NFIC: variants seen among roughly 807,000 people sequenced by gnomAD.
The protein encoded by NFIC is nuclear factor 1 C-type.
NFIC carries 12 observed loss-of-function variants against 54.4 expected under a neutral mutation model. The ratio of observed to expected loss-of-function variants is 0.22; its 90% confidence interval spans 0.14 to 0.36. NFIC has a LOEUF of 0.36. Ranked by LOEUF, NFIC falls within the 10% of genes least tolerant of loss-of-function variation. The pLI is 1.00. For missense variants in NFIC, 575 were observed against 718.2 expected (o/e 0.80, Z 2.28); for synonymous variants, 322 against 319.2 (o/e 1.01, Z -0.09).
At chr19:3,454,815 T>C (rs926985046) in intron 9 of NFIC, among the ~76,000 whole-genome samples, 2 of 148,816 alleles carry the variant, frequency 1.3e-5, no homozygotes, top group African/African-American at 5.0e-5. Context: ...CTAGGTGCCC[T>C]CAGCTCCTCT....
intron 2 of NFIC, among the ~76,000 whole-genome samples, chr19:3,409,114 T>A (rs576372293): frequency 7.2e-5 from 11 of 152,244 alleles, no homozygotes; most frequent in East Asian, 1.9e-4. Context: ...CCCAGGCCTC[T>A]CACTGCAACA....
At chr19:3,367,189 C>T (rs573595557) in intron 1 of NFIC, among the ~76,000 whole-genome samples, 2 of 152,222 alleles carry the variant, frequency 1.3e-5, no homozygotes, top group Non-Finnish European at 2.9e-5. Flanking sequence ...CGCCCTGGCC[C>T]TCGGTCGCCT....
chr19:3,395,831 C>T (rs1157649520), intron 2 of NFIC, among the ~76,000 whole-genome samples: 1 of 152,112 alleles, frequency 6.6e-6, no homozygotes, highest in Non-Finnish European at 1.5e-5. Flanking sequence ...CAGGCGCGTG[C>T]CACCACACCG....
chr19:3,359,748 G>T, intron 1 of NFIC: 1 of 1,370,230 alleles, frequency 7.3e-7, no homozygotes. Flanking sequence ...CGTGGGCTCC[G>T]GGCGAAAGTT....
At chr19:3,405,725 G>A (rs2081638202) in intron 2 of NFIC, among the ~76,000 whole-genome samples, 2 of 150,874 alleles carry the variant, frequency 1.3e-5, no homozygotes, top group African/African-American at 4.9e-5. Context: ...TCAGCCTCTT[G>A]AGTAACTGGG....
upstream of NFIC, among the ~76,000 whole-genome samples, chr19:3,364,178 C>G (rs1454464978): frequency 1.3e-5 from 2 of 151,132 alleles, 1 homozygote; most frequent in Middle Eastern, 6.8e-3. Flanking sequence ...AAAAAATGAG[C>G]CAGATTGTGC....
rs1288907628 is a variant in NFIC at position 3,463,120 on chromosome 19, C to T, written c.*351C>T. 8.5e-7 allele frequency: 1 copy of T among 1,179,412 alleles called. No individual in the cohort carries two copies. Among genetic ancestry groups the T allele is most frequent in the African/African-American group, 1.6e-5 (1 of 62,330 alleles). The allele number at this position is 1,179,412 out of a possible 1,614,324, so 73.1% of individuals were successfully genotyped here. The stretch of plus-strand genomic sequence containing the variant: ...CAGGGCGTCTTCCTAAGTTATTCAT[C>T]TCCTCTCCGCCTGCTGCTCGGGAAG... On this transcript the variant is annotated 3_prime_UTR_variant, in exon 11 of 11. Coordinates refer to ENST00000443272, the MANE Select transcript of NFIC (RefSeq NM_001245002.2).
rs539507139 is a variant in NFIC, at chr19:3,432,230, C to T, written c.635-1288C>T. 2.0e-3 allele frequency among the ~76,000 whole-genome samples: 298 copies of T among 152,270 alleles called. 2 individuals are homozygous for T. Among genetic ancestry groups the T allele is most frequent in the African/African-American group, 6.9e-3 (288 of 41,558 alleles). On this transcript the variant is annotated intron_variant, in intron 3 of 10. Coordinates refer to ENST00000443272, the MANE Select transcript of NFIC (RefSeq NM_001245002.2). ...TGAAATGGGTCCAAACCACTCCAGT[C>T]GAGAGGACAGTCTCCCTTCCTTTAA...
At chr19:3,379,209 G>A (rs1235044646) in intron 1 of NFIC, among the ~76,000 whole-genome samples, 2 of 151,700 alleles carry the variant, frequency 1.3e-5, no homozygotes, top group Non-Finnish European at 2.9e-5. Context: ...ACAGTCATGC[G>A]CCACCACGCC....
chr19:3,435,104 C>G lies in NFIC; in HGVS notation c.855C>G (p.Gly285=), dbSNP rs565638062. 2.8e-5 allele frequency: 45 copies of G among 1,604,256 alleles called. No homozygotes were observed. In the Admixed American group the frequency reaches 6.6e-4, roughly 24 times the overall value. Residue 285 remains glycine (G), a synonymous_variant, in exon 6 of 11, where the codon GGC becomes GGG. Coordinates refer to ENST00000443272, the MANE Select transcript of NFIC (RefSeq NM_001245002.2). The part of the protein sequence containing the change: ...SSSGSKRHKS[G]SMEEDVDTSP... ...TAAGGAGCAAGCGGCACAAATCGGG[C>G]TCGATGGAGGAAGACGTGGACACGA... is the stretch of plus-strand genomic sequence containing the variant.
intron 6 of NFIC, among the ~76,000 whole-genome samples, chr19:3,439,129 C>T (rs1568184594): frequency 6.8e-6 from 1 of 147,514 alleles, no homozygotes; most frequent in Non-Finnish European, 1.5e-5. Context: ...CAGTGGCTTA[C>T]AACTGTAATC....
In NFIC at chr19:3,452,209, C is replaced by G. The variant is rs1022924430; in HGVS notation, c.1085-273C>G. Among the ~76,000 whole-genome samples, 2 of 151,924 alleles carry G rather than the reference C, an allele frequency of 1.3e-5. No individual in the cohort carries two copies. Among genetic ancestry groups the G allele is most frequent in the African/African-American group, 4.8e-5 (2 of 41,318 alleles). On this transcript the variant is annotated intron_variant, in intron 7 of 10. Transcript: ENST00000443272. The surrounding 1 kb of genome is among the most constrained non-coding windows in gnomAD (Gnocchi z 5.3). ...TCGCTTGAGCCCAGGAGTTCGAGAC[C>G]TGCCTGGGCAACATAGCAAGACCCC...
intron 6 of NFIC, among the ~76,000 whole-genome samples, chr19:3,447,562 G>A (rs1160033200): frequency 6.6e-6 from 1 of 152,222 alleles, no homozygotes; most frequent in Non-Finnish European, 1.5e-5. Context: ...AAGCAGGGCT[G>A]AAGGCATCCT....
Position 3,453,701 on chromosome 19 carries a change from G to A in NFIC, c.1270-62G>A, listed in dbSNP as rs527835423. 2.4e-5 allele frequency: 37 copies of A among 1,527,780 alleles called. No individual in the cohort carries two copies. The highest frequency in any genetic ancestry group is 3.7e-5 in the South Asian group (3 of 80,192). The allele number at this position is 1,527,780 out of a possible 1,614,324, so 94.6% of individuals were successfully genotyped here. On this transcript the variant is annotated intron_variant, in intron 8 of 10. Coordinates refer to ENST00000443272, the MANE Select transcript of NFIC (RefSeq NM_001245002.2). The surrounding 1 kb of genome is among the most constrained non-coding windows in gnomAD (Gnocchi z 6.7). Reference sequence around the variant, plus strand: ...GTGCACAGAGCCGGGGGCGGCCGGCGCCAGCAGCCCGAGGTAGAGGGGGAG... The same window carrying A: ...GTGCACAGAGCCGGGGGCGGCCGGCACCAGCAGCCCGAGGTAGAGGGGGAG...
rs2081607573 is a variant in NFIC, at chr19:3,404,318, C to T, written c.563-20788C>T. ...GTTGACACATTTGACATTGGCGGGA[C>T]CGGGAGGGGGTGGGGGTGAGGGTGT... is the stretch of plus-strand genomic sequence containing the variant. On this transcript the variant is annotated intron_variant, in intron 2 of 10. Coordinates refer to ENST00000443272, the MANE Select transcript of NFIC (RefSeq NM_001245002.2). Among the ~76,000 whole-genome samples, 3 of 152,064 alleles carry T rather than the reference C, an allele frequency of 2.0e-5. No individual in the cohort carries two copies. In the South Asian group the frequency reaches 6.2e-4, roughly 32 times the overall value.
rs2082489639 is a variant in NFIC, at chr19:3,452,855, G to A, written c.1269+189G>A. 6.6e-6 allele frequency among the ~76,000 whole-genome samples: 1 copy of A among 152,204 alleles called. No homozygotes were observed. Among genetic ancestry groups the A allele is most frequent in the Non-Finnish European group, 1.5e-5 (1 of 68,034 alleles). ...AATTGAGATGCTTTCGGATGTCAGG[G>A]TTTCGGGCGCATCATGTCGCACCCT... On this transcript the variant is annotated intron_variant, in intron 8 of 10. Transcript: ENST00000443272. This position sits in a 1 kb window ranked among gnomAD's most constrained non-coding sequence, Gnocchi z 5.3.
At chr19:3,396,984 C>T (rs1473494189) in intron 2 of NFIC, among the ~76,000 whole-genome samples, 5 of 151,930 alleles carry the variant, frequency 3.3e-5, no homozygotes, top group Admixed American at 2.0e-4. Context: ...AAAGCAGTGG[C>T]CATCATGATC....
intron 1 of NFIC, among the ~76,000 whole-genome samples, chr19:3,372,130 C>G (rs1012523232): frequency 6.6e-6 from 1 of 151,506 alleles, no homozygotes; most frequent in Admixed American, 6.6e-5. Flanking sequence ...ACGCGATTCT[C>G]CTACCTCAGC....
rs545925611 is a variant in NFIC, at chr19:3,370,515, T to G, written c.30+3849T>G. On this transcript the variant is annotated intron_variant, in intron 1 of 10. Transcript: ENST00000443272. The surrounding 1 kb of genome is among the most constrained non-coding windows in gnomAD (Gnocchi z 5.2). ...TCTCTCTCTCTCTGTCTCCCTCCCT[T>G]TCTCCCCCCATCTCGCTCTCTCCTC... is the stretch of plus-strand genomic sequence containing the variant. Among the ~76,000 whole-genome samples the G allele has an allele frequency of 1.4e-5, 2 of 139,742 alleles. No individual in the cohort carries two copies. The highest frequency in any genetic ancestry group is 5.3e-5 in the African/African-American group (2 of 37,874). The allele number at this position is 139,742 out of a possible 152,430, so 91.7% of individuals were successfully genotyped here. A position where few individuals can be genotyped will look rare whatever the true frequency, so the allele number is the denominator to read the frequency against.
Sources: gnomAD v4.1 joint callset for allele counts (sites outside exome capture counted in the v4.1 genomes callset) on GRCh38, gnomAD v4.1.1 for gene constraint, Gnocchi (gnomAD v3.1) non-coding constraint, MANE v1.5 for transcripts, NCBI Gene and HGNC (gene_info 2026-07-23, HGNC 2026-07-21) for gene names.